ZMYND8: variants seen among roughly 807,000 people sequenced by gnomAD.
ZMYND8 encodes MYND-type zinc finger-containing chromatin reader ZMYND8.
A neutral mutation model predicts 140.8 loss-of-function variants in ZMYND8; 37 were observed. That is an observed-to-expected ratio of 0.26 (90% CI 0.20 to 0.35). The LOEUF is 0.35. ZMYND8 is among the 10% of genes least tolerant of loss of function. The pLI, the probability that ZMYND8 is intolerant of heterozygous loss-of-function variation, is 1.00. For missense variants in ZMYND8, 1,068 were observed against 1,570.0 expected (o/e 0.68, Z 5.40); for synonymous variants, 592 against 597.1 (o/e 0.99, Z 0.12).
chr20:47,247,350 C>G (rs1317195799), intron 13 of ZMYND8, among the ~76,000 whole-genome samples: 1 of 152,184 alleles, frequency 6.6e-6, no homozygotes, highest in East Asian at 1.9e-4. Flanking sequence ...GGTGCCCAGC[C>G]CTCCCTCTTG....
chr20:47,314,102 G>C (rs2079182141), intron 2 of ZMYND8, among the ~76,000 whole-genome samples: 1 of 152,128 alleles, frequency 6.6e-6, no homozygotes, highest in Non-Finnish European at 1.5e-5. Flanking sequence ...CCTTGGGAGG[G>C]GTGCCTGCAG....
At chr20:47,234,213 T>G (rs1490772031) in intron 16 of ZMYND8, among the ~76,000 whole-genome samples, 1 of 152,212 alleles carries the variant, frequency 6.6e-6, no homozygotes, top group Non-Finnish European at 1.5e-5. Context: ...CATGCCAGGC[T>G]GATTTTTTGT....
At position 47,245,350 on chromosome 20, in the gene ZMYND8, G is replaced by A. The variant is rs1220994619; in HGVS notation, c.2284+658C>T. ...CAACCTCCGCCTCCTGGGTTCAAGC[G>A]ATTATCCTGCCTCCGCCTCACGAGT... is the stretch of plus-strand genomic sequence containing the variant. On this transcript the variant is annotated intron_variant, in intron 14 of 22. Transcript: ENST00000471951. Among the ~76,000 whole-genome samples the A allele has an allele frequency of 3.3e-5, 5 of 152,094 alleles. No homozygotes were observed. The South Asian group carries it at 1.0e-3, about 32-fold the overall frequency.
intron 12 of ZMYND8, among the ~76,000 whole-genome samples, chr20:47,253,106 C>G (rs1372400412): frequency 6.6e-6 from 1 of 152,234 alleles, no homozygotes; most frequent in South Asian, 2.1e-4. Context: ...ATCTTCTATA[C>G]TAGTCCAGTG....
At chr20:47,256,129 G>T (rs1332636745) in intron 12 of ZMYND8, among the ~76,000 whole-genome samples, 1 of 151,576 alleles carries the variant, frequency 6.6e-6, no homozygotes, top group East Asian at 1.9e-4. Flanking sequence ...ACAATGGATG[G>T]ACTTCCAGGA....
At chr20:47,334,500 G>A (rs149698531) in intron 2 of ZMYND8, among the ~76,000 whole-genome samples, 74 of 151,960 alleles carry the variant, frequency 4.9e-4, no homozygotes, top group Middle Eastern at 6.8e-3. Context: ...CAGGGGTAAC[G>A]GGGGAATGGG....
chr20:47,258,720 G>A (rs951562070), intron 12 of ZMYND8, among the ~76,000 whole-genome samples: 2 of 152,036 alleles, frequency 1.3e-5, no homozygotes. Context: ...GTCGTTCCAC[G>A]GCTGACAGAC....
Position 47,224,525 on chromosome 20 carries a change from C to T in ZMYND8, c.3048G>A (p.Leu1016=). 6.2e-7 allele frequency: 1 copy of T among 1,613,958 alleles called. No homozygotes were observed. Among genetic ancestry groups the T allele is most frequent in the Non-Finnish European group, 8.5e-7 (1 of 1,180,052 alleles). The change falls in exon 19 of 23, where the codon CTG becomes CTA. Residue 1016 remains leucine (L), a synonymous_variant. Coordinates refer to ENST00000471951, the MANE Select transcript of ZMYND8 (RefSeq NM_001281775.3). ...CGATGAGCCGGTCCCGCTCCTGCTC[C>T]AGGCTCTGCCGCATCTCCGCCATGG... ...ELTMAEMRQS[L]EQERDRLIAE... is the part of the protein sequence containing the mutation.
intron 4 of ZMYND8, among the ~76,000 whole-genome samples, chr20:47,297,838 A>T (rs1569132299): frequency 6.6e-6 from 1 of 152,212 alleles, no homozygotes; most frequent in Non-Finnish European, 1.5e-5. Flanking sequence ...CAAGAACAGG[A>T]GCCACCTCCA....
intron 21 of ZMYND8, among the ~76,000 whole-genome samples, chr20:47,215,451 G>C (rs1468870290): frequency 1.3e-5 from 2 of 151,804 alleles, no homozygotes; most frequent in Non-Finnish European, 2.9e-5. Context: ...AATAGAAACT[G>C]TATCATAGCA....
At chr20:47,280,143 A>AAT (rs2076518498) in intron 10 of ZMYND8, among the ~76,000 whole-genome samples, 1 of 151,184 alleles carries the variant, frequency 6.6e-6, no homozygotes, top group South Asian at 2.1e-4. Context: ...AAAAAAAAAA[A>AAT]GAATGGTGGT....
intron 17 of ZMYND8, among the ~76,000 whole-genome samples, chr20:47,228,534 T>C (rs1258374826): frequency 2.0e-5 from 3 of 152,258 alleles, no homozygotes; most frequent in African/African-American, 7.2e-5. Context: ...CAAACAAGAA[T>C]GAAGCTGTTT....
chr20:47,297,601 T>C lies in ZMYND8; in HGVS notation c.453+1128A>G, dbSNP rs114444358. On this transcript the variant is annotated intron_variant, in intron 4 of 22. Coordinates refer to ENST00000471951, the MANE Select transcript of ZMYND8 (RefSeq NM_001281775.3). The stretch of plus-strand genomic sequence containing the variant: ...CATGCCCAGCTAATTTCTTTAAACT[T>C]TCTGTGGAGATGGGGGTCTCCCTAT... 2.5e-3 allele frequency among the ~76,000 whole-genome samples: 385 copies of C among 152,132 alleles called. 2 individuals carry two copies. The highest frequency in any genetic ancestry group is 7.9e-3 in the African/African-American group (326 of 41,508).
At chr20:47,211,936 T>C (rs1449917730) in intron 22 of ZMYND8, among the ~76,000 whole-genome samples, 1 of 152,174 alleles carries the variant, frequency 6.6e-6, no homozygotes, top group Admixed American at 6.5e-5. Context: ...TCCAAAGTCA[T>C]GTAGTTACTC....
intron 17 of ZMYND8, among the ~76,000 whole-genome samples, chr20:47,227,713 G>A (rs1226262653): frequency 6.6e-6 from 1 of 152,174 alleles, no homozygotes; most frequent in Non-Finnish European, 1.5e-5. Flanking sequence ...GTATTTCTGG[G>A]CAGAGGAAGT....
At chr20:47,341,799 C>G (rs915235694) in intron 2 of ZMYND8, among the ~76,000 whole-genome samples, 3 of 151,194 alleles carry the variant, frequency 2.0e-5, no homozygotes, top group Non-Finnish European at 4.4e-5. Flanking sequence ...GTCAGGAGAT[C>G]GAGACCATCC....
chr20:47,289,651 A>C (rs2077135039), intron 7 of ZMYND8, among the ~76,000 whole-genome samples: 1 of 152,230 alleles, frequency 6.6e-6, no homozygotes, highest in African/African-American at 2.4e-5. Flanking sequence ...GGAACCACTA[A>C]TAACACATAA....
intron 9 of ZMYND8, among the ~76,000 whole-genome samples, chr20:47,283,334 T>C (rs866653406): frequency 6.6e-6 from 1 of 152,238 alleles, no homozygotes; most frequent in African/African-American, 2.4e-5. Context: ...CCTTGCAGTC[T>C]GCCCAGGCTA....
At chr20:47,332,464 CG>C (rs1569218187) in intron 2 of ZMYND8, among the ~76,000 whole-genome samples, 1 of 152,088 alleles carries the variant, frequency 6.6e-6, no homozygotes. Flanking sequence ...AATCCCAGTA[CG>C]TTGGCAGGCC....
Sources: allele counts gnomAD v4.1 joint callset (sites outside exome capture counted in the v4.1 genomes callset), GRCh38; gene constraint gnomAD v4.1.1; transcripts MANE v1.5; gene names NCBI Gene and HGNC (gene_info 2026-07-23, HGNC 2026-07-21).